The following PTPRT variants were observed in gnomAD, a reference collection of about 807,000 sequenced individuals.
PTPRT encodes protein tyrosine phosphatase receptor type T, also known as receptor-type tyrosine-protein phosphatase T.
Under a neutral mutation model 176.8 loss-of-function variants are expected in PTPRT, and 56 were observed. The observed-to-expected ratio is 0.32, with a 90% CI of 0.26 to 0.40. PTPRT has a LOEUF of 0.40. PTPRT is among the 10% of genes least tolerant of loss of function. The probability of loss-of-function intolerance (pLI) is 1.00; values close to 1 mark genes in which losing one functional copy is unlikely to be tolerated. For missense variants in PTPRT, 1,540 were observed against 1,908.2 expected (o/e 0.81, Z 3.60); for synonymous variants, 783 against 739.0 (o/e 1.06, Z -0.96).
At chr20:42,051,572 G>C in the PTPRT span, among the ~76,000 whole-genome samples, 2 of 152,160 alleles carry the variant, frequency 1.3e-5, no homozygotes, top group Non-Finnish European at 2.9e-5. Context: ...AGGGATGAAC[G>C]ACAGGCTGAG....
At chr20:42,358,095 A>C (rs1394399562) in intron 9 of PTPRT, among the ~76,000 whole-genome samples, 1 of 152,032 alleles carries the variant, frequency 6.6e-6, no homozygotes, top group Non-Finnish European at 1.5e-5. Context: ...GGAAAAAAAA[A>C]AAAGTCTGGC....
At chr20:42,315,670 G>T in intron 12 of PTPRT, 53 bp downstream of exon 12, 1 of 1,576,084 alleles carries the variant, frequency 6.3e-7, no homozygotes, top group South Asian at 1.1e-5. Context: ...TATCATTTGA[G>T]AATGAAAAAA....
intron 27 of PTPRT, among the ~76,000 whole-genome samples, chr20:42,096,441 A>T (rs146426005): frequency 0.061 from 9,261 of 152,148 alleles, 364 homozygotes; most frequent in African/African-American, 0.087. Context: ...CATCTCTACT[A>T]AAAATACAAA....
In PTPRT at chr20:42,725,009, T is replaced by G. The variant is rs113606411; in HGVS notation, c.859+31453A>C. Among the ~76,000 whole-genome samples the G allele has an allele frequency of 9.0e-3, 1,208 of 134,028 alleles. 18 individuals are homozygous for G. The highest frequency in any genetic ancestry group is 0.024 in the African/African-American group (915 of 38,048). The allele number at this position is 134,028 out of a possible 152,430, so 87.9% of individuals were successfully genotyped here. On this transcript the variant is annotated intron_variant, in intron 6 of 30. Transcript: ENST00000373187. ...CTTGACAGCAGGATGTGGACATCTT[T>G]TGTGTGTGTGTGTGTGTGTGTGTGT...
chr20:42,923,110 A>G (rs185178437), intron 1 of PTPRT, among the ~76,000 whole-genome samples: 1 of 152,216 alleles, frequency 6.6e-6, no homozygotes, highest in African/African-American at 2.4e-5. Flanking sequence ...GCTGGTGCCA[A>G]TTCATACCTG....
chr20:42,513,726 C>G (rs1236124814), intron 7 of PTPRT, among the ~76,000 whole-genome samples: 3 of 152,088 alleles, frequency 2.0e-5, no homozygotes, highest in Admixed American at 1.3e-4. Context: ...CTCTGAATTC[C>G]ACTTTGCTGC....
chr20:42,704,093 T>C (rs1485321336), intron 6 of PTPRT, among the ~76,000 whole-genome samples: 2 of 152,160 alleles, frequency 1.3e-5, no homozygotes, highest in Non-Finnish European at 2.9e-5. Flanking sequence ...CAAAATACCA[T>C]GTATCTTTCT....
intron 1 of PTPRT, among the ~76,000 whole-genome samples, chr20:42,940,225 T>G (rs1226923822): frequency 6.6e-6 from 1 of 152,206 alleles, no homozygotes; most frequent in Non-Finnish European, 1.5e-5. Flanking sequence ...TGAATATAGT[T>G]TCTTCTACCT....
chr20:42,335,122 G>C (rs1028290015), intron 11 of PTPRT, among the ~76,000 whole-genome samples: 2 of 152,200 alleles, frequency 1.3e-5, no homozygotes, highest in Non-Finnish European at 2.9e-5. Flanking sequence ...TTGCCCCACA[G>C]ATTTCAAGAG....
chr20:42,622,156 G>T (rs2074209651), intron 7 of PTPRT, among the ~76,000 whole-genome samples: 1 of 152,170 alleles, frequency 6.6e-6, no homozygotes, highest in Non-Finnish European at 1.5e-5. Flanking sequence ...CCTGGCATAT[G>T]GAGACTGCCT....
chr20:43,044,773 G>A (rs1054420232), intron 1 of PTPRT, among the ~76,000 whole-genome samples: 16 of 152,156 alleles, frequency 1.1e-4, no homozygotes, highest in Admixed American at 8.5e-4. Context: ...TGTAGTGCAC[G>A]GTGCAGACAA....
At chr20:42,897,933 A>G (rs1010401245) in intron 1 of PTPRT, among the ~76,000 whole-genome samples, 1 of 152,218 alleles carries the variant, frequency 6.6e-6, no homozygotes, top group Non-Finnish European at 1.5e-5. Context: ...CCCAATCTAT[A>G]AATTAGAAAT....
At chr20:42,095,974 C>T (rs73907099) in intron 27 of PTPRT, among the ~76,000 whole-genome samples, 1 of 152,106 alleles carries the variant, frequency 6.6e-6, no homozygotes, top group Admixed American at 6.5e-5. Context: ...TCATATTTTC[C>T]CCAGTTATAT....
intron 9 of PTPRT, among the ~76,000 whole-genome samples, chr20:42,383,939 T>C (rs368998320): frequency 3.4e-4 from 52 of 152,354 alleles, no homozygotes; most frequent in African/African-American, 1.3e-3. Flanking sequence ...AAACAGCAGC[T>C]GATTTTACGA....
At chr20:42,223,386 C>A (rs1366304459) in intron 15 of PTPRT, among the ~76,000 whole-genome samples, 1 of 152,118 alleles carries the variant, frequency 6.6e-6, no homozygotes, top group African/African-American at 2.4e-5. Context: ...AGTTAGTAAG[C>A]GGCAAAGTCC....
chr20:42,762,578 C>A (rs1462038602), intron 5 of PTPRT, among the ~76,000 whole-genome samples: 1 of 152,216 alleles, frequency 6.6e-6, no homozygotes. Flanking sequence ...CCAACCCATA[C>A]TCTATTGGCA....
At chr20:43,019,846 TG>T (rs1985573335) in intron 1 of PTPRT, among the ~76,000 whole-genome samples, 1 of 151,870 alleles carries the variant, frequency 6.6e-6, no homozygotes, top group Non-Finnish European at 1.5e-5. Context: ...CCCTTGAACA[TG>T]AGAATTTCAG....
the PTPRT span, among the ~76,000 whole-genome samples, chr20:42,039,571 G>T: frequency 6.6e-6 from 1 of 151,764 alleles, no homozygotes. Context: ...ATATAAGTGA[G>T]ATCATGCAGT....
At chr20:42,704,431 CA>C (rs3091987) in intron 6 of PTPRT, among the ~76,000 whole-genome samples, 13,628 of 133,472 alleles carry the variant, frequency 0.1, 694 homozygotes, top group Admixed American at 0.15. Flanking sequence ...CGTTGATATC[CA>C]AAAAAAAAAA....
Sources: allele counts gnomAD v4.1 joint callset (sites outside exome capture counted in the v4.1 genomes callset), GRCh38; gene constraint gnomAD v4.1.1; transcripts MANE v1.5; gene names NCBI Gene and HGNC (gene_info 2026-07-23, HGNC 2026-07-21).